KMO: variants seen among roughly 807,000 people sequenced by gnomAD.
KMO encodes kynurenine 3-monooxygenase.
Under a neutral mutation model 57.8 loss-of-function variants are expected in KMO, and 24 were observed. The ratio of observed to expected loss-of-function variants is 0.42; its 90% CI spans 0.30 to 0.58. The LOEUF (loss-of-function observed/expected upper bound fraction) is 0.58, where lower values mean the gene tolerates loss of function less well. KMO is among the 20% of genes least tolerant of loss of function. The pLI is 0.22. For synonymous variants in KMO, 210 were observed against 193.6 expected (o/e 1.08, Z -0.70); for missense variants, 483 against 588.2 (o/e 0.82, Z 1.85).
At chr1:241,542,396 C>T (rs761938674) in intron 1 of KMO, among the ~76,000 whole-genome samples, 23 of 152,124 alleles carry the variant, frequency 1.5e-4, no homozygotes, top group Non-Finnish European at 2.9e-4. Context: ...AGTGGAGAAG[C>T]GAGATAATGA....
chr1:241,594,545 C>A lies in KMO; in HGVS notation c.*2392C>A. On this transcript the variant is annotated 3_prime_UTR_variant, in exon 15 of 15. Coordinates refer to ENST00000366559, the MANE Select transcript of KMO (RefSeq NM_003679.5). Reference sequence around the variant, plus strand: ...AAATGATGGAAGAAGAGTTGAAAGTCACTTTTTTCTTTGGCCTGTCCCCAT... The same window carrying A: ...AAATGATGGAAGAAGAGTTGAAAGTAACTTTTTTCTTTGGCCTGTCCCCAT... 2 of 1,614,108 alleles carry A rather than the reference C, an allele frequency of 1.2e-6. No homozygotes were observed. Among genetic ancestry groups the A allele is most frequent in the Non-Finnish European group, 1.7e-6 (2 of 1,179,990 alleles).
chr1:241,552,427 A>G (rs184545342), intron 4 of KMO, among the ~76,000 whole-genome samples: 75 of 152,252 alleles, frequency 4.9e-4, no homozygotes, highest in African/African-American at 1.7e-3. Flanking sequence ...CTTGCCCTTT[A>G]AGAACTGCAT....
At chr1:241,537,383 T>C (rs906684280) in intron 1 of KMO, among the ~76,000 whole-genome samples, 3 of 152,204 alleles carry the variant, frequency 2.0e-5, no homozygotes, top group Admixed American at 6.5e-5. Context: ...ACACAGAATT[T>C]GATTCAAGTG....
intron 9 of KMO, 38 bp from the exon 10 acceptor site, chr1:241,568,462 A>T: frequency 6.3e-7 from 1 of 1,599,722 alleles, no homozygotes; most frequent in Non-Finnish European, 8.6e-7. Context: ...TTAATACCTA[A>T]TTTGATGTCT....
intron 10 of KMO, among the ~76,000 whole-genome samples, chr1:241,574,421 T>C (rs762913341): frequency 1.4e-4 from 22 of 152,228 alleles, no homozygotes; most frequent in Non-Finnish European, 2.1e-4. Context: ...ATATGGCTTT[T>C]ATTATTTTGA....
intron 1 of KMO, among the ~76,000 whole-genome samples, chr1:241,535,172 G>C (rs901571720): frequency 1.3e-5 from 2 of 152,012 alleles, no homozygotes; most frequent in African/African-American, 4.8e-5. Flanking sequence ...ATTTTTAAAA[G>C]TATTGACTAA....
At chr1:241,570,005 C>A (rs997616541) in intron 10 of KMO, among the ~76,000 whole-genome samples, 10 of 151,878 alleles carry the variant, frequency 6.6e-5, no homozygotes, top group African/African-American at 9.7e-5. Context: ...TTTTAATAAT[C>A]AGGTATTATC....
At chr1:241,559,416 T>C (rs1466681256) in intron 5 of KMO, among the ~76,000 whole-genome samples, 1 of 149,244 alleles carries the variant, frequency 6.7e-6, no homozygotes, top group African/African-American at 2.5e-5. Flanking sequence ...GGATGCAAAA[T>C]ACTATATACT....
chr1:241,542,791 A>T (rs1661004406), intron 1 of KMO, among the ~76,000 whole-genome samples: 1 of 152,188 alleles, frequency 6.6e-6, no homozygotes, highest in African/African-American at 2.4e-5. Flanking sequence ...TACACACCAC[A>T]TTTTCTTTCC....
rs557961069 is a variant in KMO at position 241,552,017 on chromosome 1, A to G, written c.312+973A>G. Among the ~76,000 whole-genome samples the G allele has an allele frequency of 2.0e-5, 3 of 150,308 alleles. No individual in the cohort carries two copies. In the East Asian group the frequency reaches 5.9e-4, roughly 30 times the overall value. On this transcript the variant is annotated intron_variant, in intron 4 of 14. Coordinates refer to ENST00000366559, the MANE Select transcript of KMO (RefSeq NM_003679.5). The stretch of plus-strand genomic sequence containing the variant: ...AACAAGGAATGTCCTGAGGAAGGCC[A>G]AGTCATCATAGCCGCCCCCGCTTCA...
chr1:241,569,392 A>G (rs1662195800), intron 10 of KMO, among the ~76,000 whole-genome samples: 2 of 152,088 alleles, frequency 1.3e-5, no homozygotes, highest in South Asian at 2.1e-4. Flanking sequence ...GCTCCCTCAT[A>G]TGAGTAAAAA....
chr1:241,586,458 C>T, intron 10 of KMO: 1 of 468,862 alleles, frequency 2.1e-6, no homozygotes, highest in Non-Finnish European at 3.9e-6. Context: ...CCTCGGCCTC[C>T]CAAAGTGCTG....
At chr1:241,581,808 G>A (rs1375218528) in intron 10 of KMO, among the ~76,000 whole-genome samples, 1 of 152,064 alleles carries the variant, frequency 6.6e-6, no homozygotes, top group Non-Finnish European at 1.5e-5. Flanking sequence ...ACATACTGCA[G>A]TTACAGTGTT....
rs1215168234 is a variant in KMO, at chr1:241,560,683, A to G, written c.380A>G (p.Asn127Ser). Residue 127 changes from asparagine (N) to serine (S), a missense_variant, in exon 6 of 15, where the codon AAT becomes AGT. Around this residue, in one of 3 missense-constraint regions of KMO, gnomAD observed 410 missense variants for 492.3 expected, o/e 0.83. Transcript: ENST00000366559. The stretch of plus-strand genomic sequence containing the variant: ...TCCTCAGCTGCTGAGAAATACCCCA[A>G]TGTGAAAATGCACTTTAACCACAGG... ...DLLTAAEKYP[N>S]VKMHFNHRLL... 7 of 1,612,792 alleles carry G rather than the reference A, an allele frequency of 4.3e-6. No homozygotes were observed. The highest frequency in any genetic ancestry group is 3.3e-5 in the South Asian group (3 of 91,054).
chr1:241,579,985 A>G (rs894550669), intron 10 of KMO, among the ~76,000 whole-genome samples: 1 of 151,974 alleles, frequency 6.6e-6, no homozygotes, highest in African/African-American at 2.4e-5. Flanking sequence ...CTGCTTTTAT[A>G]TTTCCCACTG....
At chr1:241,587,636 G>A (rs1326168491) in intron 11 of KMO, among the ~76,000 whole-genome samples, 5 of 152,014 alleles carry the variant, frequency 3.3e-5, no homozygotes, top group African/African-American at 1.2e-4. Flanking sequence ...TAGAGACGGG[G>A]TTTCGTCATG....
intron 10 of KMO, among the ~76,000 whole-genome samples, chr1:241,586,223 G>A (rs1428152782): frequency 8.6e-6 from 1 of 116,534 alleles, no homozygotes; most frequent in Non-Finnish European, 1.7e-5. Context: ...TTTTGAGACA[G>A]GGTCTCGCTC....
chr1:241,554,240 TTCCTTCCTTC>T (rs1661519668), intron 4 of KMO, among the ~76,000 whole-genome samples: 1 of 72,290 alleles, frequency 1.4e-5, no homozygotes, highest in African/African-American at 4.2e-5. Flanking sequence ...CCTTCCTTCC[TTCCTTCCTTC>T]CTTCCTTCCT....
At chr1:241,535,842 G>T (rs1480756051) in intron 1 of KMO, among the ~76,000 whole-genome samples, 3 of 152,252 alleles carry the variant, frequency 2.0e-5, no homozygotes, top group Non-Finnish European at 4.4e-5. Flanking sequence ...ACCTGTGAAG[G>T]CTTCTCCTCT....
Sources: gnomAD v4.1 joint callset for allele counts (sites outside exome capture counted in the v4.1 genomes callset) on GRCh38, gnomAD v4.1.1 for gene constraint, gnomAD v4.1.1 regional missense constraint, MANE v1.5 for transcripts, NCBI Gene and HGNC (gene_info 2026-07-23, HGNC 2026-07-21) for gene names.